DDR2: variants seen among roughly 807,000 people sequenced by gnomAD.
The protein encoded by DDR2 is discoidin domain receptor tyrosine kinase 2.
Under a neutral mutation model 94.9 loss-of-function variants are expected in DDR2, and 27 were observed. The ratio of observed to expected loss-of-function variants is 0.28; its 90% CI spans 0.21 to 0.39. The LOEUF (loss-of-function observed/expected upper bound fraction) is 0.39. Among genes scored for constraint, DDR2 ranks in the 10% least tolerant of loss-of-function variants. The pLI is 1.00. For synonymous variants in DDR2, 382 were observed against 377.2 expected (o/e 1.01, Z -0.15); for missense variants, 783 against 1,076.0 (o/e 0.73, Z 3.81).
intron 1 of DDR2, among the ~76,000 whole-genome samples, chr1:162,644,095 G>A (rs1438102917): frequency 6.6e-6 from 1 of 152,110 alleles, no homozygotes; most frequent in African/African-American, 2.4e-5. Flanking sequence ...AGTTCCTTTT[G>A]GAAATAAGCT....
chr1:162,727,215 A>G lies in DDR2; in HGVS notation c.82+8070A>G, dbSNP rs546514646. ...CATATATTTATATTTTGTAAATATA[A>G]ACATATATTTATATTTTGTAAATAT... On this transcript the variant is annotated intron_variant, in intron 3 of 17. Transcript: ENST00000367921. Among the ~76,000 whole-genome samples the G allele has an allele frequency of 7.9e-4, 90 of 114,478 alleles. 1 individual carries two copies. Among genetic ancestry groups the G allele is most frequent in the African/African-American group, 1.1e-3 (29 of 26,048 alleles). The allele number at this position is 114,478 out of a possible 152,430, so 75.1% of individuals were successfully genotyped here.
intron 2 of DDR2, among the ~76,000 whole-genome samples, chr1:162,712,643 A>G (rs538825001): frequency 2.0e-5 from 3 of 152,192 alleles, no homozygotes; most frequent in Admixed American, 1.3e-4. Context: ...TTTGAAATCA[A>G]TTTGGAATGT....
rs1179429361 is a variant in DDR2, at chr1:162,780,289, C to T, written c.*43C>T. 1.9e-6 allele frequency: 3 copies of T among 1,613,040 alleles called. No homozygotes were observed. The highest frequency in any genetic ancestry group is 2.2e-5 in the East Asian group (1 of 44,824). On this transcript the variant is annotated 3_prime_UTR_variant, in exon 18 of 18. Transcript: ENST00000367921. The stretch of plus-strand genomic sequence containing the variant: ...CATGTTCCTACGGCTCAGGTCCTCC[C>T]TACAAGACCTACCACTCACCCATGC...
At chr1:162,769,392 A>G (rs1441959636) in intron 11 of DDR2, among the ~76,000 whole-genome samples, 1 of 152,202 alleles carries the variant, frequency 6.6e-6, no homozygotes, top group African/African-American at 2.4e-5. Context: ...TGTATGTAGC[A>G]TTATTTGTAG....
At position 162,755,287 on chromosome 1, in the gene DDR2, C is replaced by T. The variant is rs369267630; in HGVS notation, c.549C>T (p.Tyr183=). ...SMNVCMRVEL[Y]GCVWLDGLVS... ...ATGTGTGTATGAGAGTGGAGCTTTA[C>T]GGCTGTGTCTGGCTAGGTAGGTCAC... Residue 183 remains tyrosine, a synonymous_variant, in exon 6 of 18, where the codon TAC becomes TAT. Transcript: ENST00000367921. The T allele has an allele frequency of 6.3e-5, 102 of 1,613,710 alleles. No individual in the cohort carries two copies. Among genetic ancestry groups the T allele is most frequent in the East Asian group, 1.8e-4 (8 of 44,882 alleles).
At chr1:162,707,230 C>T (rs1660703335) in intron 2 of DDR2, among the ~76,000 whole-genome samples, 1 of 152,170 alleles carries the variant, frequency 6.6e-6, no homozygotes, top group Non-Finnish European at 1.5e-5. Context: ...AGTTTAGAGC[C>T]ACTGCTCTGT....
intron 3 of DDR2, among the ~76,000 whole-genome samples, chr1:162,747,535 G>C (rs763130646): frequency 2.3e-3 from 357 of 152,334 alleles, no homozygotes; most frequent in Non-Finnish European, 4.1e-3. Context: ...TGGTGTACCT[G>C]AAAGTGACGG....
At chr1:162,724,472 T>A (rs1021167791) in intron 3 of DDR2, among the ~76,000 whole-genome samples, 2 of 152,112 alleles carry the variant, frequency 1.3e-5, no homozygotes, top group Non-Finnish European at 2.9e-5. Context: ...CGGGCCAACT[T>A]ACCCCCACCC....
intron 2 of DDR2, among the ~76,000 whole-genome samples, chr1:162,703,711 A>G (rs1660531452): frequency 6.6e-6 from 1 of 152,174 alleles, no homozygotes; most frequent in Admixed American, 6.5e-5. Flanking sequence ...GTGTGCTAGG[A>G]ACCTCACAAA....
At chr1:162,779,148 AAT>A (rs1222124306) in intron 17 of DDR2, among the ~76,000 whole-genome samples, 7 of 152,238 alleles carry the variant, frequency 4.6e-5, no homozygotes, top group Non-Finnish European at 8.8e-5. Flanking sequence ...ACTATCTAGC[AAT>A]GTTTCTAGAC....
chr1:162,713,317 C>A (rs372696025), intron 2 of DDR2, among the ~76,000 whole-genome samples: 1 of 152,150 alleles, frequency 6.6e-6, no homozygotes, highest in Non-Finnish European at 1.5e-5. Context: ...ATTCTGATAG[C>A]CTGCTTCCAG....
chr1:162,688,918 C>T (rs974963851), intron 2 of DDR2, among the ~76,000 whole-genome samples: 4 of 152,190 alleles, frequency 2.6e-5, no homozygotes, highest in Non-Finnish European at 4.4e-5. Flanking sequence ...TCAGGGGGCT[C>T]ATACCCTGGT....
chr1:162,717,723 G>T (rs77101201), intron 2 of DDR2, among the ~76,000 whole-genome samples: 1 of 152,128 alleles, frequency 6.6e-6, no homozygotes, highest in Non-Finnish European at 1.5e-5. Flanking sequence ...TGAGGTAATA[G>T]GTTTTTGGGA....
chr1:162,686,705 T>A (rs921075538), intron 2 of DDR2, among the ~76,000 whole-genome samples: 3 of 152,216 alleles, frequency 2.0e-5, no homozygotes, highest in Non-Finnish European at 4.4e-5. Flanking sequence ...TATAGTAGAA[T>A]GATTTATAAT....
intron 2 of DDR2, among the ~76,000 whole-genome samples, chr1:162,673,135 A>T (rs1269244895): frequency 6.6e-6 from 1 of 152,204 alleles, no homozygotes; most frequent in African/African-American, 2.4e-5. Flanking sequence ...GCTCAAATGT[A>T]CTTCCAAATT....
chr1:162,681,302 G>A lies in DDR2; in HGVS notation c.-28+25928G>A, dbSNP rs572128357. Among the ~76,000 whole-genome samples, 146 of 152,236 alleles carry A rather than the reference G, an allele frequency of 9.6e-4. 1 individual carries two copies. Among genetic ancestry groups the A allele is most frequent in the African/African-American group, 3.4e-3 (141 of 41,530 alleles). On this transcript the variant is annotated intron_variant, in intron 2 of 17. Transcript: ENST00000367921. The stretch of plus-strand genomic sequence containing the variant: ...TGGTTGGGTTACACAATCTACAATT[G>A]TAGATTGATTGAGAGTCTTTTGAAA...
chr1:162,716,387 A>G (rs1317855038), intron 2 of DDR2, among the ~76,000 whole-genome samples: 2 of 152,226 alleles, frequency 1.3e-5, no homozygotes, highest in African/African-American at 4.8e-5. Flanking sequence ...CTGGAAGGAC[A>G]TCCTGGATTA....
At chr1:162,646,605 C>T (rs1657420500) in intron 1 of DDR2, among the ~76,000 whole-genome samples, 1 of 152,128 alleles carries the variant, frequency 6.6e-6, no homozygotes, top group African/African-American at 2.4e-5. Flanking sequence ...CACACTAAAG[C>T]CTCTTCTTAT....
At chr1:162,744,563 A>C (rs1230116175) in intron 3 of DDR2, among the ~76,000 whole-genome samples, 2 of 152,000 alleles carry the variant, frequency 1.3e-5, no homozygotes, top group African/African-American at 4.8e-5. Flanking sequence ...CATGTGCATA[A>C]TGTGCAGGTT....
Sources: gnomAD v4.1 joint callset for allele counts (sites outside exome capture counted in the v4.1 genomes callset) on GRCh38, gnomAD v4.1.1 for gene constraint, MANE v1.5 for transcripts, NCBI Gene and HGNC (gene_info 2026-07-23, HGNC 2026-07-21) for gene names.